The following CREB5 variants were observed in gnomAD, a reference collection of about 807,000 sequenced individuals.
The protein encoded by CREB5 is cyclic AMP-responsive element-binding protein 5.
Under a neutral mutation model 57.1 loss-of-function variants are expected in CREB5, and 19 were observed. That is an observed-to-expected ratio of 0.33 (90% CI 0.23 to 0.49). The LOEUF is 0.49. Ranked by LOEUF, CREB5 falls within the 20% of genes least tolerant of loss-of-function variation. CREB5 has a pLI of 0.99. For missense variants in CREB5, 579 were observed against 671.6 expected, an observed-to-expected ratio of 0.86 and a Z score of 1.52; for synonymous variants, 238 against 238.3, an observed-to-expected ratio of 1.00 and a Z score of 0.01.
intron 1 of CREB5, among the ~76,000 whole-genome samples, chr7:28,450,740 A>C (rs1434077506): frequency 1.3e-5 from 2 of 152,224 alleles, no homozygotes; most frequent in African/African-American, 2.4e-5. Flanking sequence ...ATTTGTCTTA[A>C]GTCTTGGCAA....
intron 4 of CREB5, chr7:28,513,979 T>G (rs561404207): frequency 6.6e-6 from 1 of 152,296 alleles, no homozygotes; most frequent in Admixed American, 6.5e-5. Flanking sequence ...TCTATTGTCT[T>G]GCAAAGAGTG....
intron 5 of CREB5, among the ~76,000 whole-genome samples, chr7:28,580,922 C>G (rs1371405489): frequency 6.6e-6 from 1 of 152,120 alleles, no homozygotes; most frequent in Non-Finnish European, 1.5e-5. Flanking sequence ...GATACAAAAC[C>G]AGCATGAATG....
chr7:28,518,955 T>C (rs1793090923), intron 4 of CREB5, among the ~76,000 whole-genome samples: 1 of 152,216 alleles, frequency 6.6e-6, no homozygotes, highest in Non-Finnish European at 1.5e-5. Flanking sequence ...CACAGGAAGT[T>C]AGAATACATC....
intron 1 of CREB5, among the ~76,000 whole-genome samples, chr7:28,445,793 C>T (rs1319696295): frequency 5.9e-5 from 9 of 151,740 alleles, no homozygotes; most frequent in African/African-American, 1.2e-4. Flanking sequence ...CCTCATGATC[C>T]GCCTGCCTCA....
Position 28,507,536 on chromosome 7 carries a change from G to T in CREB5, c.170-80G>T, listed in dbSNP as rs534618147. 56 of 1,501,244 alleles carry T rather than the reference G, an allele frequency of 3.7e-5. No homozygotes were observed. In the African/African-American group the frequency reaches 7.3e-4, roughly 20 times the overall value. 93.0% of individuals were successfully genotyped at this position (1,501,244 alleles called of 1,614,324 possible). A position where few individuals can be genotyped will look rare whatever the true frequency, so the allele number is the denominator to read the frequency against. On this transcript the variant is annotated intron_variant, in intron 3 of 10. Coordinates refer to ENST00000357727, the MANE Select transcript of CREB5 (RefSeq NM_182898.4). Reference sequence around the variant, plus strand: ...CATTTTAATTAAGGCAAGGGGAGGGGATTAGTGAATCTAGCTCATGCTTGC... The same window carrying T: ...CATTTTAATTAAGGCAAGGGGAGGGTATTAGTGAATCTAGCTCATGCTTGC...
At chr7:28,597,758 G>C (rs1351617423) in intron 5 of CREB5, among the ~76,000 whole-genome samples, 1 of 152,072 alleles carries the variant, frequency 6.6e-6, no homozygotes, top group African/African-American at 2.4e-5. Context: ...ATCTTTCTGG[G>C]TTCACTTGGA....
rs534222103 is a variant in CREB5 at position 28,613,693 on chromosome 7, A to C, written c.464+43156A>C. Among the ~76,000 whole-genome samples the C allele has an allele frequency of 3.9e-5, 6 of 152,342 alleles. No individual in the cohort carries two copies. The East Asian group carries it at 1.2e-3, about 29-fold the overall frequency. On this transcript the variant is annotated intron_variant, in intron 5 of 10. Coordinates refer to ENST00000357727, the MANE Select transcript of CREB5 (RefSeq NM_182898.4). The stretch of plus-strand genomic sequence containing the variant: ...TTTGATATTTCATGATATTTGGACC[A>C]GATCTCGCCAACAAACTCAGTAGGC...
chr7:28,758,377 CTGT>C (rs925312901), intron 7 of CREB5, among the ~76,000 whole-genome samples: 5 of 152,286 alleles, frequency 3.3e-5, no homozygotes, highest in South Asian at 2.1e-4. Context: ...TTTGTTGTCA[CTGT>C]TGTTGTTGTT....
At position 28,824,973 on chromosome 7, in the gene CREB5, C is replaced by T. The variant is rs1279690754; in HGVS notation, c.*5694C>T. On this transcript the variant is annotated 3_prime_UTR_variant, in exon 11 of 11. Coordinates refer to ENST00000357727, the MANE Select transcript of CREB5 (RefSeq NM_182898.4). ...AGGATCTAGAAAGCTCCTTCTAAGC[C>T]ATTTAAGATATTCTTACATTGAGCT... is the stretch of plus-strand genomic sequence containing the variant. 2 of 152,582 alleles carry T rather than the reference C, an allele frequency of 1.3e-5. No individual in the cohort carries two copies. Among genetic ancestry groups the T allele is most frequent in the Non-Finnish European group, 2.9e-5 (2 of 68,042 alleles). The allele number at this position is 152,582 out of a possible 1,614,324, so 9.5% of individuals were successfully genotyped here.
At chr7:28,776,130 G>A (rs866241120) in intron 7 of CREB5, among the ~76,000 whole-genome samples, 1 of 152,038 alleles carries the variant, frequency 6.6e-6, no homozygotes, top group African/African-American at 2.4e-5. Context: ...GAGGTCAGGA[G>A]ATCGAGACCA....
chr7:28,416,419 T>C (rs1788028400), intron 1 of CREB5, among the ~76,000 whole-genome samples: 1 of 152,258 alleles, frequency 6.6e-6, no homozygotes, highest in Non-Finnish European at 1.5e-5. Flanking sequence ...ATTTGCCAGA[T>C]CTGGTAGGAC....
intron 7 of CREB5, among the ~76,000 whole-genome samples, chr7:28,737,572 TATATATATATATATA>T (rs1804091227): frequency 5.2e-5 from 2 of 38,438 alleles, no homozygotes; most frequent in Non-Finnish European, 7.8e-5. Context: ...TATATATATA[TATATATATATATATA>T]TTTTTAACTC....
chr7:28,549,228 G>A (rs1794529728), intron 4 of CREB5, among the ~76,000 whole-genome samples: 1 of 152,196 alleles, frequency 6.6e-6, no homozygotes. Flanking sequence ...AAGCATATAA[G>A]TATGATCTAA....
intron 5 of CREB5, among the ~76,000 whole-genome samples, chr7:28,611,489 TAAAAAA>T (rs59192497): frequency 4.2e-5 from 2 of 47,982 alleles, no homozygotes; most frequent in African/African-American, 9.3e-5. Flanking sequence ...CCATCTCTAC[TAAAAAA>T]AAAAAAAAAA....
intron 7 of CREB5, among the ~76,000 whole-genome samples, chr7:28,802,142 G>T (rs1050664646): frequency 2.3e-4 from 30 of 130,312 alleles, no homozygotes; most frequent in African/African-American, 8.4e-4. Context: ...ATCTTTCCCA[G>T]ACATTTAGGA....
At chr7:28,402,068 C>A (rs1433538728) in intron 1 of CREB5, among the ~76,000 whole-genome samples, 4 of 152,190 alleles carry the variant, frequency 2.6e-5, no homozygotes, top group Non-Finnish European at 5.9e-5. Flanking sequence ...TCCTCTCCAG[C>A]ACCTGTTGTT....
intron 1 of CREB5, among the ~76,000 whole-genome samples, chr7:28,301,459 G>A (rs1042548818): frequency 3.3e-5 from 5 of 152,220 alleles, no homozygotes; most frequent in Non-Finnish European, 5.9e-5. Context: ...GGCTTGGCCC[G>A]AAAGTCTGAA....
At chr7:28,483,593 A>G (rs537253155) in intron 1 of CREB5, among the ~76,000 whole-genome samples, 1 of 152,308 alleles carries the variant, frequency 6.6e-6, no homozygotes, top group Non-Finnish European at 1.5e-5. Flanking sequence ...ATGATGAGGC[A>G]GCATCTGCCA....
At chr7:28,524,417 A>T (rs2128618084) in intron 4 of CREB5, among the ~76,000 whole-genome samples, 2 of 151,996 alleles carry the variant, frequency 1.3e-5, no homozygotes, top group Middle Eastern at 6.8e-3. Context: ...AGGCAGGAGA[A>T]TTGCTTGAAC....
Sources: allele counts gnomAD v4.1 joint callset (sites outside exome capture counted in the v4.1 genomes callset), GRCh38; gene constraint gnomAD v4.1.1; transcripts MANE v1.5; gene names NCBI Gene and HGNC (gene_info 2026-07-23, HGNC 2026-07-21).